PCDHGC5: variants seen among roughly 807,000 people sequenced by gnomAD.
PCDHGC5 encodes the protein protocadherin gamma-C5.
Under a neutral mutation model 59.0 loss-of-function variants are expected in PCDHGC5, and 25 were observed. The observed-to-expected ratio is 0.42, with a 90% confidence interval of 0.31 to 0.59. PCDHGC5 has a LOEUF of 0.59. PCDHGC5 is among the 20% of genes least tolerant of loss of function. PCDHGC5 has a pLI of 0.13. For missense variants in PCDHGC5, 1,067 were observed against 1,206.4 expected (o/e 0.88, Z 1.71); for synonymous variants, 434 against 505.5 (o/e 0.86, Z 1.90).
At chr5:141,509,536 A>T (rs778275338) in intron 3 of PCDHGC5, among the ~76,000 whole-genome samples, 1 of 152,130 alleles carries the variant, frequency 6.6e-6, no homozygotes, top group Non-Finnish European at 1.5e-5. Context: ...AGGATGAAGC[A>T]CCATCTCATT....
At chr5:141,506,566 T>C (rs909998933) in intron 3 of PCDHGC5, among the ~76,000 whole-genome samples, 33 of 152,022 alleles carry the variant, frequency 2.2e-4, no homozygotes, top group Non-Finnish European at 2.9e-5. Flanking sequence ...ACCCCCTCGG[T>C]TTCACTTACT....
chr5:141,510,817 T>C, intron 3 of PCDHGC5, 130 bp from the exon 4 acceptor site: 2 of 1,551,592 alleles, frequency 1.3e-6, no homozygotes, highest in African/African-American at 2.7e-5. Flanking sequence ...GTGACCCCTA[T>C]ATTCCCAGTG....
chr5:141,495,465 G>T (rs563411010), intron 2 of PCDHGC5, among the ~76,000 whole-genome samples: 11 of 152,298 alleles, frequency 7.2e-5, no homozygotes, highest in African/African-American at 2.4e-4. Flanking sequence ...TGTCTGTGGG[G>T]TCTCCGTGTC....
chr5:141,492,398 C>T (rs1347317333), intron 1 of PCDHGC5, among the ~76,000 whole-genome samples: 2 of 152,244 alleles, frequency 1.3e-5, no homozygotes, highest in Non-Finnish European at 1.5e-5. Flanking sequence ...CCACTCGCAG[C>T]TCCCCTCTGC....
intron 2 of PCDHGC5, among the ~76,000 whole-genome samples, chr5:141,503,010 A>ATT (rs199924715): frequency 4.8e-5 from 7 of 146,772 alleles, no homozygotes; most frequent in East Asian, 2.0e-4. Context: ...TGCCCGGTTA[A>ATT]TTTTTTTTTT....
chr5:141,490,445 A>G lies in PCDHGC5; in HGVS notation c.1205A>G (p.Asn402Ser), dbSNP rs2099700298. 6.2e-7 allele frequency: 1 copy of G among 1,614,022 alleles called. No individual in the cohort carries two copies. The highest frequency in any genetic ancestry group is 8.5e-7 in the Non-Finnish European group (1 of 1,180,030). ...DLPFQIKPSE[N>S]HYSLLTSQPL... ...CCATTTCAGATTAAGCCTTCTGAGA[A>G]CCACTACTCGCTGCTAACCAGCCAG... Residue 402 changes from asparagine to serine, a missense_variant, in exon 1 of 4, where the codon AAC becomes AGC. Asn to Ser is a conservative substitution (Grantham distance 46, BLOSUM62 1). Coordinates refer to ENST00000252087, the MANE Select transcript of PCDHGC5 (RefSeq NM_018929.3). The surrounding 1 kb of genome is among the most constrained non-coding windows in gnomAD (Gnocchi z 5.4).
intron 3 of PCDHGC5, among the ~76,000 whole-genome samples, chr5:141,510,272 TAAAAAA>T (rs546154379): frequency 7.7e-6 from 1 of 130,390 alleles, no homozygotes; most frequent in Non-Finnish European, 1.6e-5. Context: ...GACTCCATCT[TAAAAAA>T]AAAAAAAAAA....
chr5:141,492,026 G>A, intron 1 of PCDHGC5: 1 of 567,198 alleles, frequency 1.8e-6, no homozygotes, highest in South Asian at 2.9e-5. Flanking sequence ...GGGGTCCCGG[G>A]AGGAGGCAGT....
chr5:141,510,032 T>C (rs1410346284), intron 3 of PCDHGC5, among the ~76,000 whole-genome samples: 3 of 152,150 alleles, frequency 2.0e-5, no homozygotes, highest in Non-Finnish European at 4.4e-5. Flanking sequence ...GCTGGGCTGT[T>C]ATGTAGAGGT....
intron 3 of PCDHGC5, among the ~76,000 whole-genome samples, chr5:141,508,761 C>G (rs943236216): frequency 6.6e-6 from 1 of 151,974 alleles, no homozygotes; most frequent in Admixed American, 6.6e-5. Context: ...TCTGGCGCCT[C>G]TGAGGTCCCC....
chr5:141,492,458 G>A (rs1333043781), intron 1 of PCDHGC5, among the ~76,000 whole-genome samples: 1 of 152,230 alleles, frequency 6.6e-6, no homozygotes, highest in Non-Finnish European at 1.5e-5. Flanking sequence ...GTGCGCGCCT[G>A]AGGGTCCCAG....
At position 141,494,872 on chromosome 5, in the gene PCDHGC5, G is replaced by T. The variant is rs917132299; in HGVS notation, c.2519+7G>T. On this transcript the variant is annotated splice_region_variant and intron_variant, in intron 2 of 3. Transcript: ENST00000252087. The stretch of plus-strand genomic sequence containing the variant: ...AGAGACCCGGCACCAGCGGGTAGGT[G>T]ACTGATTCTCCAGCCCACCCTCTTC... 7 of 1,614,010 alleles carry T rather than the reference G, an allele frequency of 4.3e-6. No homozygotes were observed. The highest frequency in any genetic ancestry group is 1.3e-5 in the African/African-American group (1 of 74,910).
intron 2 of PCDHGC5, among the ~76,000 whole-genome samples, chr5:141,496,334 G>T (rs959266723): frequency 2.6e-5 from 4 of 152,240 alleles, no homozygotes; most frequent in Admixed American, 6.5e-5. Context: ...GAAGTCAGGA[G>T]CCTGGAGGAG....
At position 141,493,202 on chromosome 5, in the gene PCDHGC5, A is replaced by G. The variant is rs1246390819; in HGVS notation, c.2460+1502A>G. Among the ~76,000 whole-genome samples, 1 of 152,196 alleles carries G rather than the reference A, an allele frequency of 6.6e-6. No individual in the cohort carries two copies. ...ACTATATAACTCCTTTGAGAACCTC[A>G]TCTCATTTGCTCTTCCCACCATTGC... On this transcript the variant is annotated intron_variant, in intron 1 of 3. Transcript: ENST00000252087. The surrounding 1 kb of genome is among the most constrained non-coding windows in gnomAD (Gnocchi z 4.3).
In PCDHGC5 at chr5:141,491,354, C is replaced by T. The variant is rs2099710960; in HGVS notation, c.2114C>T (p.Ser705Phe). The T allele has an allele frequency of 6.2e-7, 1 of 1,614,166 alleles. No homozygotes were observed. Among genetic ancestry groups the T allele is most frequent in the South Asian group, 1.1e-5 (1 of 91,088 alleles). Residue 705 changes from serine (S) to phenylalanine (F), a missense_variant, in exon 1 of 4, where the codon TCC (serine) becomes TTC (phenylalanine). By Grantham distance (155) the Ser-to-Phe change is radical. Coordinates refer to ENST00000252087, the MANE Select transcript of PCDHGC5 (RefSeq NM_018929.3). This position sits in a 1 kb window ranked among gnomAD's most constrained non-coding sequence, Gnocchi z 6.9. ...GCTCTAGCGACCGTCAGTCTCTTAT[C>T]CCTAGTCACCTTCACCTTTCTGTCA... ...IVALATVSLL[S>F]LVTFTFLSAK...
At position 141,511,181 on chromosome 5, in the gene PCDHGC5, G is replaced by A. The variant is rs1301391138; in HGVS notation, c.*8G>A. On this transcript the variant is annotated 3_prime_UTR_variant, in exon 4 of 4. Transcript: ENST00000252087. Reference sequence around the variant, plus strand: ...AAGAAGGAGAAGAAGTAACATGGAGGCCAGGCCAAGAGCCACAGGGCGGCC... The same window carrying A: ...AAGAAGGAGAAGAAGTAACATGGAGACCAGGCCAAGAGCCACAGGGCGGCC... 6.2e-7 allele frequency: 1 copy of A among 1,614,016 alleles called. No homozygotes were observed. The highest frequency in any genetic ancestry group is 1.7e-5 in the Admixed American group (1 of 60,016).
Position 141,494,869 on chromosome 5 carries a change from G to A in PCDHGC5, c.2519+4G>A. 6.2e-7 allele frequency: 1 copy of A among 1,614,144 alleles called. No individual in the cohort carries two copies. Among genetic ancestry groups the A allele is most frequent in the Non-Finnish European group, 8.5e-7 (1 of 1,180,010 alleles). On this transcript the variant is annotated splice_donor_region_variant and intron_variant, in intron 2 of 3. Coordinates refer to ENST00000252087, the MANE Select transcript of PCDHGC5 (RefSeq NM_018929.3). The stretch of plus-strand genomic sequence containing the variant: ...CCCAGAGACCCGGCACCAGCGGGTA[G>A]GTGACTGATTCTCCAGCCCACCCTC...
In PCDHGC5 at chr5:141,490,912, AATG is replaced by A; in HGVS notation, c.1675_1677del (p.Asp559del). 6.2e-7 allele frequency: 1 copy of A among 1,613,644 alleles called. No homozygotes were observed. Among genetic ancestry groups the A allele is most frequent in the Non-Finnish European group, 8.5e-7 (1 of 1,179,684 alleles). On this transcript the variant is annotated inframe_deletion, in exon 1 of 4. Transcript: ENST00000252087. This position sits in a 1 kb window ranked among gnomAD's most constrained non-coding sequence, Gnocchi z 5.4. ...TCTGCATGTGTTTGTCCTAGACGAG[AATG>A]ATAATGCCCCAGCTGTGCTGCACCC...
At chr5:141,501,206 A>G (rs977574347) in intron 2 of PCDHGC5, among the ~76,000 whole-genome samples, 22 of 151,674 alleles carry the variant, frequency 1.5e-4, no homozygotes, top group African/African-American at 5.3e-4. Context: ...GGGTGTTGTC[A>G]GGGTGACTTC....
Sources: gnomAD v4.1 joint callset for allele counts (sites outside exome capture counted in the v4.1 genomes callset) on GRCh38, gnomAD v4.1.1 for gene constraint, Gnocchi (gnomAD v3.1) non-coding constraint, MANE v1.5 for transcripts, NCBI Gene and HGNC (gene_info 2026-07-23, HGNC 2026-07-21) for gene names.